The following ZNF875 variants were observed in gnomAD, a reference collection of about 807,000 sequenced individuals.
The protein encoded by ZNF875 is HKR1, GLI-Kruppel zinc finger family member.
ZNF875 carries 14 observed loss-of-function variants against 11.2 expected under a neutral mutation model. The ratio of observed to expected loss-of-function variants is 1.26; its 90% CI spans 0.83 to 1.96. ZNF875 has a LOEUF of 1.96. Among genes scored for constraint, ZNF875 ranks in the 30% most tolerant of loss-of-function variants. The pLI, the probability that ZNF875 is intolerant of heterozygous loss-of-function variation, is 0.00. For missense variants in ZNF875, 752 were observed against 760.4 expected, an observed-to-expected ratio of 0.99 and a Z score of 0.13; for synonymous variants, 301 against 281.1, an observed-to-expected ratio of 1.07 and a Z score of -0.71.
At chr19:37,348,125 A>C (rs940886206) in intron 4 of ZNF875, among the ~76,000 whole-genome samples, 6 of 152,142 alleles carry the variant, frequency 3.9e-5, no homozygotes, top group Non-Finnish European at 7.4e-5. Flanking sequence ...GTCTTTCCTC[A>C]TTCACTGTCT....
intron 3 of ZNF875, among the ~76,000 whole-genome samples, chr19:37,324,021 A>G (rs1198203510): frequency 6.6e-6 from 1 of 152,238 alleles, no homozygotes; most frequent in Non-Finnish European, 1.5e-5. Context: ...ATTAGAGCCA[A>G]TGATCCTAAC....
In ZNF875 at chr19:37,341,414, G is replaced by T. The variant is rs78616894; in HGVS notation, c.34-5776G>T. 8.9e-3 allele frequency among the ~76,000 whole-genome samples: 1,357 copies of T among 152,288 alleles called. 23 individuals carry two copies. Among genetic ancestry groups the T allele is most frequent in the African/African-American group, 0.031 (1,304 of 41,554 alleles). On this transcript the variant is annotated intron_variant, in intron 2 of 4. Transcript: ENST00000392153. ...TCCATGTGTGACAGGAAGCTGGTTGGCTGGGGTGCCTAGTTTCTTCTTGGT... is the reference window on the plus strand; with the variant it reads ...TCCATGTGTGACAGGAAGCTGGTTGTCTGGGGTGCCTAGTTTCTTCTTGGT...
intron 2 of ZNF875, chr19:37,337,164 G>GTC (rs74174453): frequency 0.27 from 41,692 of 151,908 alleles, 7,181 homozygotes; most frequent in African/African-American, 0.48. Flanking sequence ...GACCTTCAGA[G>GTC]TATCAGCTGC....
At chr19:37,325,387 C>T (rs1476327346) in intron 4 of ZNF875, among the ~76,000 whole-genome samples, 4 of 152,164 alleles carry the variant, frequency 2.6e-5, no homozygotes, top group Admixed American at 2.6e-4. Context: ...AATAGAAATA[C>T]AATGCCAGAC....
chr19:37,323,272 G>C (rs1260412790), intron 2 of ZNF875, among the ~76,000 whole-genome samples: 2 of 151,952 alleles, frequency 1.3e-5, no homozygotes, highest in African/African-American at 4.8e-5. Context: ...TCTTGCCTCA[G>C]CCTCCAGAGT....
At chr19:37,316,819 C>T (rs1280355207), upstream of ZNF875, among the ~76,000 whole-genome samples, 1 of 151,656 alleles carries the variant, frequency 6.6e-6, no homozygotes, top group Non-Finnish European at 1.5e-5. Context: ...CCCGCCACCA[C>T]GCCTGGCTAA....
intron 2 of ZNF875, among the ~76,000 whole-genome samples, chr19:37,336,897 G>T (rs2034569689): frequency 6.6e-6 from 1 of 151,976 alleles, no homozygotes; most frequent in Non-Finnish European, 1.5e-5. Context: ...AACAGAGTGA[G>T]ACTCCATCTC....
chr19:37,314,662 T>C (rs1038310860), upstream of ZNF875, among the ~76,000 whole-genome samples: 1 of 144,570 alleles, frequency 6.9e-6, no homozygotes, highest in Non-Finnish European at 1.5e-5. Context: ...CTGTCTCTAC[T>C]AAAAATATAA....
At chr19:37,337,015 G>T (rs565761273) in intron 2 of ZNF875, among the ~76,000 whole-genome samples, 30 of 152,322 alleles carry the variant, frequency 2.0e-4, no homozygotes, top group African/African-American at 6.5e-4. Flanking sequence ...ACATTTGAGA[G>T]CACTTTCAGC....
intron 2 of ZNF875, chr19:37,344,845 G>C: frequency 1.0e-6 from 1 of 960,598 alleles, no homozygotes. Context: ...ATTTTCAAGG[G>C]GTGTATGTGT....
intron 4 of ZNF875, among the ~76,000 whole-genome samples, chr19:37,326,559 A>G (rs2032474593): frequency 6.6e-6 from 1 of 152,104 alleles, no homozygotes; most frequent in Admixed American, 6.5e-5. Flanking sequence ...TTTGCAATAC[A>G]AGAATGATTG....
intron 2 of ZNF875, among the ~76,000 whole-genome samples, chr19:37,344,397 G>C (rs2036367547): frequency 6.6e-6 from 1 of 152,158 alleles, no homozygotes; most frequent in Admixed American, 6.5e-5. Flanking sequence ...AGGGGATGCT[G>C]GTGCTGCAGG....
chr19:37,339,981 T>TATG (rs1350851224), intron 2 of ZNF875, among the ~76,000 whole-genome samples: 1 of 151,992 alleles, frequency 6.6e-6, no homozygotes, highest in Admixed American at 6.6e-5. Flanking sequence ...TTTATTCATT[T>TATG]ATTATTATTA....
At chr19:37,315,801 A>G (rs2030152384), upstream of ZNF875, among the ~76,000 whole-genome samples, 1 of 152,058 alleles carries the variant, frequency 6.6e-6, no homozygotes, top group Non-Finnish European at 1.5e-5. Flanking sequence ...ACCTACAAGC[A>G]GAAGTGTTGC....
chr19:37,347,058 C>T, intron 2 of ZNF875, 132 bp from the exon 3 acceptor site: 1 of 1,120,336 alleles, frequency 8.9e-7, no homozygotes, highest in Non-Finnish European at 1.3e-6. Context: ...CTCAGGTGAT[C>T]CGCCCACCTT....
At chr19:37,323,356 G>C (rs891516617) in intron 2 of ZNF875, among the ~76,000 whole-genome samples, 1 of 151,856 alleles carries the variant, frequency 6.6e-6, no homozygotes, top group African/African-American at 2.4e-5. Flanking sequence ...GGGTTTCATC[G>C]TGTTGGCCAG....
upstream of ZNF875, among the ~76,000 whole-genome samples, chr19:37,317,654 C>T (rs773382571): frequency 1.3e-5 from 2 of 152,236 alleles, no homozygotes; most frequent in Non-Finnish European, 2.9e-5. Context: ...GGTAGACGTT[C>T]CAGCGCTGAA....
upstream of ZNF875, among the ~76,000 whole-genome samples, chr19:37,314,125 TTTTTTTAGACA>T (rs2030080014): frequency 1.3e-5 from 2 of 152,010 alleles, no homozygotes; most frequent in Non-Finnish European, 2.9e-5. Context: ...TAAAAAAAAT[TTTTTTTAGACA>T]TGGTCTCCCT....
intron 1 of ZNF875, among the ~76,000 whole-genome samples, chr19:37,320,532 CCAT>C (rs1293079257): frequency 6.6e-6 from 1 of 152,224 alleles, no homozygotes; most frequent in African/African-American, 2.4e-5. Flanking sequence ...GTAGCTCAAA[CCAT>C]CATTTTATTA....
Sources: allele counts gnomAD v4.1 joint callset (sites outside exome capture counted in the v4.1 genomes callset), GRCh38; gene constraint gnomAD v4.1.1; transcripts MANE v1.5; gene names NCBI Gene and HGNC (gene_info 2026-07-23, HGNC 2026-07-21).